CENPW: variants seen among roughly 807,000 people sequenced by gnomAD.
CENPW encodes cancer-up-regulated gene 2 protein.
CENPW carries 3 observed loss-of-function variants against 11.1 expected under a neutral mutation model. The observed-to-expected ratio is 0.27, with a 90% CI of 0.12 to 0.70. The LOEUF is 0.70. Ranked by LOEUF, CENPW falls within the 30% of genes least tolerant of loss-of-function variation. The pLI is 0.77. For synonymous variants in CENPW, 38 were observed against 42.0 expected (o/e 0.91, Z 0.37); for missense variants, 100 against 105.6 (o/e 0.95, Z 0.23).
the CENPW span, among the ~76,000 whole-genome samples, chr6:126,473,416 T>C: frequency 6.6e-6 from 1 of 152,242 alleles, no homozygotes; most frequent in East Asian, 1.9e-4. Context: ...ACTTTTTTCC[T>C]CTTTAACCCA....
At chr6:126,474,868 A>G in the CENPW span, among the ~76,000 whole-genome samples, 1 of 152,132 alleles carries the variant, frequency 6.6e-6, no homozygotes, top group Non-Finnish European at 1.5e-5. Context: ...AAATAAAGCC[A>G]CTGCATCATC....
At chr6:126,471,082 G>A in the CENPW span, among the ~76,000 whole-genome samples, 1 of 152,156 alleles carries the variant, frequency 6.6e-6, no homozygotes, top group Non-Finnish European at 1.5e-5. Flanking sequence ...AACGTGAAAA[G>A]GACATGAGAT....
chr6:126,364,410 G>GT, the CENPW span, among the ~76,000 whole-genome samples: 3 of 152,060 alleles, frequency 2.0e-5, no homozygotes, highest in African/African-American at 7.2e-5. Context: ...AGTTTCTAAG[G>GT]TTTTTCTTCA....
chr6:126,393,998 C>A, the CENPW span, among the ~76,000 whole-genome samples: 1 of 151,710 alleles, frequency 6.6e-6, no homozygotes, highest in African/African-American at 2.4e-5. Context: ...TTTTGCATCT[C>A]TTCATTTTCA....
the CENPW span, among the ~76,000 whole-genome samples, chr6:126,464,368 G>C: frequency 8.5e-5 from 13 of 152,056 alleles, no homozygotes; most frequent in African/African-American, 3.1e-4. Flanking sequence ...GTGTAAACTT[G>C]ATTGGATTGA....
At chr6:126,371,700 C>T in the CENPW span, among the ~76,000 whole-genome samples, 1 of 151,968 alleles carries the variant, frequency 6.6e-6, no homozygotes, top group African/African-American at 2.4e-5. Flanking sequence ...GCTGTGAATC[C>T]ATCTGGTCCT....
the CENPW span, among the ~76,000 whole-genome samples, chr6:126,388,007 G>A: frequency 6.6e-6 from 1 of 151,876 alleles, no homozygotes. Flanking sequence ...TTAAAAGATA[G>A]CTTCATTCTG....
chr6:126,378,599 T>G, the CENPW span, among the ~76,000 whole-genome samples: 23 of 152,248 alleles, frequency 1.5e-4, no homozygotes, highest in African/African-American at 5.5e-4. Context: ...GCTTTAGAAC[T>G]CATTTTTGCT....
At chr6:126,363,877 C>T in the CENPW span, among the ~76,000 whole-genome samples, 3 of 152,140 alleles carry the variant, frequency 2.0e-5, no homozygotes, top group African/African-American at 7.2e-5. Context: ...TCTTGGACCT[C>T]CTGAATTTAG....
At chr6:126,470,383 A>G in the CENPW span, among the ~76,000 whole-genome samples, 3 of 152,208 alleles carry the variant, frequency 2.0e-5, no homozygotes, top group African/African-American at 7.2e-5. Context: ...AGAAGACAAG[A>G]GTTGAGGTTT....
chr6:126,406,543 G>T, the CENPW span, among the ~76,000 whole-genome samples: 1 of 152,000 alleles, frequency 6.6e-6, no homozygotes, highest in Non-Finnish European at 1.5e-5. Context: ...GAAAAGAATT[G>T]GTGTTAGTTC....
At chr6:126,429,892 C>T in the CENPW span, among the ~76,000 whole-genome samples, 86 of 152,296 alleles carry the variant, frequency 5.6e-4, no homozygotes, top group African/African-American at 1.9e-3. Flanking sequence ...TATTTCCTCT[C>T]TTACAAGACA....
chr6:126,404,996 C>T, the CENPW span, among the ~76,000 whole-genome samples: 1 of 151,852 alleles, frequency 6.6e-6, no homozygotes, highest in African/African-American at 2.4e-5. Context: ...TGTGCAGAAA[C>T]TTCTTAGTTT....
intron 2 of CENPW, 23 bp downstream of exon 2, chr6:126,346,341 C>A (rs545318796): frequency 1.4e-6 from 2 of 1,471,224 alleles, no homozygotes; most frequent in Non-Finnish European, 9.5e-7. Flanking sequence ...TTTCTTTTCT[C>A]GAGCAAGAAT....
the CENPW span, among the ~76,000 whole-genome samples, chr6:126,449,672 G>A: frequency 6.6e-6 from 1 of 151,102 alleles, no homozygotes; most frequent in Admixed American, 6.6e-5. Flanking sequence ...AATAACTAAT[G>A]TTGATTTTTA....
the CENPW span, among the ~76,000 whole-genome samples, chr6:126,463,972 C>T: frequency 6.6e-6 from 1 of 151,782 alleles, no homozygotes; most frequent in Non-Finnish European, 1.5e-5. Context: ...ACCGTTATAT[C>T]AAAACCAGAC....
chr6:126,463,897 T>C, the CENPW span, among the ~76,000 whole-genome samples: 1 of 152,026 alleles, frequency 6.6e-6, no homozygotes, highest in Non-Finnish European at 1.5e-5. Context: ...TCATAAATGC[T>C]TCCAAAAATT....
At chr6:126,352,710 T>C (rs1430416468), downstream of CENPW, among the ~76,000 whole-genome samples, 1 of 152,126 alleles carries the variant, frequency 6.6e-6, no homozygotes, top group Non-Finnish European at 1.5e-5. Context: ...ATTTGGGTTT[T>C]GTGTTTTCAT....
chr6:126,469,656 T>C, the CENPW span, among the ~76,000 whole-genome samples: 1 of 152,174 alleles, frequency 6.6e-6, no homozygotes, highest in Non-Finnish European at 1.5e-5. Context: ...GTTGAATGGC[T>C]TTGATCAAAA....
Sources: allele counts gnomAD v4.1 joint callset (sites outside exome capture counted in the v4.1 genomes callset), GRCh38; gene constraint gnomAD v4.1.1; transcripts MANE v1.5; gene names NCBI Gene and HGNC (gene_info 2026-07-23, HGNC 2026-07-21).